The following CDH12 variants were observed in gnomAD, a reference collection of about 807,000 sequenced individuals.
The protein encoded by CDH12 is cadherin 12.
In CDH12, 41 loss-of-function variants were observed where a neutral mutation model predicts 74.1. The ratio of observed to expected loss-of-function variants is 0.55; its 90% CI spans 0.43 to 0.72. CDH12 has a LOEUF of 0.72. Among genes scored for constraint, CDH12 ranks in the 30% least tolerant of loss-of-function variants. The probability of loss-of-function intolerance (pLI) is 0.00; values close to 1 mark genes in which losing one functional copy is unlikely to be tolerated. For synonymous variants in CDH12, 399 were observed against 355.0 expected, an observed-to-expected ratio of 1.12 and a Z score of -1.39; for missense variants, 945 against 977.2, an observed-to-expected ratio of 0.97 and a Z score of 0.44.
chr5:22,033,493 A>G (rs796073341), intron 5 of CDH12, among the ~76,000 whole-genome samples: 7 of 152,162 alleles, frequency 4.6e-5, no homozygotes, highest in South Asian at 2.1e-4. Flanking sequence ...ACAAAATCTC[A>G]TATTTCTGTG....
At chr5:22,421,903 C>T (rs1580631561) in intron 2 of CDH12, among the ~76,000 whole-genome samples, 1 of 152,178 alleles carries the variant, frequency 6.6e-6, no homozygotes, top group South Asian at 2.1e-4. Context: ...GAAGGTATCT[C>T]ATTTTGGTTT....
At position 22,640,772 on chromosome 5, in the gene CDH12, GTA is replaced by G. The variant is rs146564294; in HGVS notation, c.-522-135410_-522-135409del. On this transcript the variant is annotated intron_variant, in intron 1 of 14. Coordinates refer to ENST00000382254, the MANE Select transcript of CDH12 (RefSeq NM_004061.5). ...CATGCAAAACCCATCACTTTCCAAT[GTA>G]TATCATTATCCACGCATTGTTATGT... Among the ~76,000 whole-genome samples the G allele has an allele frequency of 5.6e-3, 854 of 152,162 alleles. 8 individuals are homozygous for G. The highest frequency in any genetic ancestry group is 0.02 in the African/African-American group (821 of 41,512).
chr5:22,012,721 CCTCCA>C (rs1361679068), intron 5 of CDH12, among the ~76,000 whole-genome samples: 1 of 148,006 alleles, frequency 6.8e-6, no homozygotes, highest in Non-Finnish European at 1.5e-5. Flanking sequence ...TTCAGTTTAG[CCTCCA>C]CTACTTACTG....
chr5:21,889,971 C>T (rs1284378849), intron 6 of CDH12: 1 of 294,350 alleles, frequency 3.4e-6, no homozygotes, highest in Non-Finnish European at 5.0e-6. Context: ...AAGACACTTC[C>T]TTCTTACAAC....
intron 1 of CDH12, among the ~76,000 whole-genome samples, chr5:22,679,997 A>G (rs1378758989): frequency 1.3e-5 from 2 of 152,130 alleles, no homozygotes; most frequent in African/African-American, 2.4e-5. Context: ...CTGAACTAGC[A>G]AGCAAGCTCC....
In CDH12 at chr5:22,681,228, GGT is replaced by G. The variant is rs1035806842; in HGVS notation, c.-523+171828_-523+171829del. ...ATCATTAAGCTCCTGGGTATTGGGG[GGT>G]GTGTGTGTGTGTGTGTGTGTGTGTG... On this transcript the variant is annotated intron_variant, in intron 1 of 14. Coordinates refer to ENST00000382254, the MANE Select transcript of CDH12 (RefSeq NM_004061.5). Among the ~76,000 whole-genome samples the G allele has an allele frequency of 7.0e-3, 738 of 105,766 alleles. 7 individuals carry two copies. Among genetic ancestry groups the G allele is most frequent in the Middle Eastern group, 0.05 (11 of 218 alleles). The allele number at this position is 105,766 out of a possible 152,430, so 69.4% of individuals were successfully genotyped here.
chr5:22,321,195 C>A (rs1347847059), intron 3 of CDH12, among the ~76,000 whole-genome samples: 2 of 151,826 alleles, frequency 1.3e-5, no homozygotes, highest in Non-Finnish European at 2.9e-5. Flanking sequence ...CACATGCACA[C>A]GTTGTTTATT....
intron 4 of CDH12, among the ~76,000 whole-genome samples, chr5:22,082,607 C>T (rs1242560603): frequency 6.6e-6 from 1 of 152,178 alleles, no homozygotes; most frequent in African/African-American, 2.4e-5. Flanking sequence ...TTTTGGACTG[C>T]AGTTGATCAC....
At chr5:22,586,490 A>AATAT (rs71609772) in intron 1 of CDH12, among the ~76,000 whole-genome samples, 54,772 of 124,830 alleles carry the variant, frequency 0.44, 10,240 homozygotes, top group Middle Eastern at 0.5. Flanking sequence ...AGTATAATAA[A>AATAT]ATATATATAT....
At chr5:22,367,293 G>C (rs1198059246) in intron 3 of CDH12, among the ~76,000 whole-genome samples, 4 of 152,108 alleles carry the variant, frequency 2.6e-5, no homozygotes, top group Non-Finnish European at 5.9e-5. Flanking sequence ...TGAGGAAATT[G>C]GAGAGTTAAA....
chr5:21,790,631 G>T (rs1746439051), intron 10 of CDH12, among the ~76,000 whole-genome samples: 1 of 152,028 alleles, frequency 6.6e-6, no homozygotes, highest in Non-Finnish European at 1.5e-5. Flanking sequence ...CTCCCTAATA[G>T]TGTAACCATG....
intron 2 of CDH12, among the ~76,000 whole-genome samples, chr5:22,481,509 T>C (rs910524465): frequency 2.0e-5 from 3 of 152,156 alleles, no homozygotes; most frequent in Admixed American, 6.6e-5. Flanking sequence ...TACAGTGGTA[T>C]ATTATTGAGC....
chr5:21,914,526 G>T (rs1297369319), intron 6 of CDH12, among the ~76,000 whole-genome samples: 2 of 152,082 alleles, frequency 1.3e-5, no homozygotes, highest in Non-Finnish European at 2.9e-5. Context: ...AAGAGAGAGA[G>T]ATGGGAGAGA....
intron 1 of CDH12, among the ~76,000 whole-genome samples, chr5:22,510,730 T>C (rs1736567153): frequency 1.3e-5 from 2 of 152,154 alleles, no homozygotes; most frequent in Non-Finnish European, 2.9e-5. Context: ...TTCATTGTTA[T>C]AATTATTTTT....
intron 3 of CDH12, among the ~76,000 whole-genome samples, chr5:22,350,918 A>G (rs1740332363): frequency 6.6e-6 from 1 of 152,204 alleles, no homozygotes; most frequent in African/African-American, 2.4e-5. Context: ...AGTTTTCACA[A>G]AGTAGAGTAG....
intron 1 of CDH12, among the ~76,000 whole-genome samples, chr5:22,704,823 GA>G (rs951464748): frequency 5.3e-5 from 8 of 151,966 alleles, no homozygotes; most frequent in Admixed American, 3.3e-4. Context: ...TTGGAAACTT[GA>G]ATTGTTGAGG....
At chr5:22,419,993 GTTTT>G (rs79494488) in intron 2 of CDH12, among the ~76,000 whole-genome samples, 2 of 151,086 alleles carry the variant, frequency 1.3e-5, no homozygotes, top group African/African-American at 2.4e-5. Context: ...TTTTAATGGG[GTTTT>G]TTTTTGTTTG....
At chr5:22,469,481 C>T (rs1188425588) in intron 2 of CDH12, among the ~76,000 whole-genome samples, 1 of 152,010 alleles carries the variant, frequency 6.6e-6, no homozygotes, top group Non-Finnish European at 1.5e-5. Context: ...TGCATGTGTC[C>T]GAATACCCTC....
At chr5:22,020,180 C>T (rs966163913) in intron 5 of CDH12, among the ~76,000 whole-genome samples, 3 of 152,032 alleles carry the variant, frequency 2.0e-5, no homozygotes, top group African/African-American at 7.2e-5. Context: ...TGTTAGTTGG[C>T]TTGGGCTGCC....
Sources: allele counts gnomAD v4.1 joint callset (sites outside exome capture counted in the v4.1 genomes callset), GRCh38; gene constraint gnomAD v4.1.1; transcripts MANE v1.5; gene names NCBI Gene and HGNC (gene_info 2026-07-23, HGNC 2026-07-21).